DCDC1: variants seen among roughly 807,000 people sequenced by gnomAD.
DCDC1 encodes doublecortin domain-containing protein 1.
A neutral mutation model predicts 178.3 loss-of-function variants in DCDC1; 200 were observed. The ratio of observed to expected loss-of-function variants is 1.12; its 90% CI spans 1.00 to 1.26. The LOEUF (loss-of-function observed/expected upper bound fraction) is 1.26. DCDC1 is among the 50% of genes most tolerant of loss of function. DCDC1 has a pLI of 0.00. For missense variants in DCDC1, 1,983 were observed against 1,749.2 expected (o/e 1.13, Z -2.38); for synonymous variants, 690 against 604.8 (o/e 1.14, Z -2.07).
Position 30,864,930 on chromosome 11 carries a change from A to G in DCDC1, c.*443T>C, listed in dbSNP as rs1462670258. On this transcript the variant is annotated 3_prime_UTR_variant, in exon 39 of 39. Coordinates refer to ENST00000684477, the MANE Select transcript of DCDC1 (RefSeq NM_001387274.1). ...CATTCTTCAAAATAGGCCCATTGAAAAAACTGAGTTATTTTGAAGGATAAA... is the reference window on the plus strand; with the variant it reads ...CATTCTTCAAAATAGGCCCATTGAAGAAACTGAGTTATTTTGAAGGATAAA... The G allele has an allele frequency of 1.3e-5, 2 of 152,202 alleles. No individual in the cohort carries two copies. Among genetic ancestry groups the G allele is most frequent in the Non-Finnish European group, 2.9e-5 (2 of 68,036 alleles). 9.4% of individuals were successfully genotyped at this position (152,202 alleles called of 1,614,324 possible).
At chr11:31,213,473 G>A (rs990245881) in intron 9 of DCDC1, among the ~76,000 whole-genome samples, 1 of 151,942 alleles carries the variant, frequency 6.6e-6, no homozygotes. Context: ...TGTAATCCCA[G>A]CACTTTGGGA....
chr11:31,073,998 G>A (rs988551560), intron 18 of DCDC1, among the ~76,000 whole-genome samples: 3 of 152,196 alleles, frequency 2.0e-5, no homozygotes, highest in African/African-American at 7.2e-5. Context: ...TCAGGGTCCA[G>A]TAAGGAGATA....
At position 31,091,529 on chromosome 11, in the gene DCDC1, G is replaced by C. The variant is rs768480674; in HGVS notation, c.2119-18C>G. 1 of 727,230 alleles carries C rather than the reference G, an allele frequency of 1.4e-6. No individual in the cohort carries two copies. The highest frequency in any genetic ancestry group is 1.7e-5 in the African/African-American group (1 of 58,212). 45.0% of individuals were successfully genotyped at this position (727,230 alleles called of 1,614,324 possible). On this transcript the variant is annotated intron_variant, in intron 16 of 38. Transcript: ENST00000684477. ...ATTCCAGTCTTCCAATGAATAGAGA[G>C]GGGGAGAAAGGTCTAAATAAGTTAA...
intron 20 of DCDC1, among the ~76,000 whole-genome samples, chr11:31,050,134 C>T (rs1425661390): frequency 6.6e-6 from 1 of 152,162 alleles, no homozygotes; most frequent in Non-Finnish European, 1.5e-5. Context: ...TCGCCCTCAT[C>T]TGCAAACGGA....
chr11:30,895,016 T>C (rs1944090820), intron 34 of DCDC1, among the ~76,000 whole-genome samples: 1 of 152,220 alleles, frequency 6.6e-6, no homozygotes. Context: ...ATTTATGTGT[T>C]CTTACCACTA....
At chr11:31,105,122 ATACATTT>A (rs1958765891) in intron 13 of DCDC1, among the ~76,000 whole-genome samples, 1 of 152,076 alleles carries the variant, frequency 6.6e-6, no homozygotes, top group African/African-American at 2.4e-5. Context: ...TTTTAGACAT[ATACATTT>A]TAAACATTCC....
At chr11:31,183,693 TA>T (rs1969124584) in intron 9 of DCDC1, among the ~76,000 whole-genome samples, 1 of 152,000 alleles carries the variant, frequency 6.6e-6, no homozygotes, top group South Asian at 2.1e-4. Context: ...ACAAAGAGAA[TA>T]AAATACCTAG....
At position 31,290,627 on chromosome 11, in the gene DCDC1, A is replaced by G; in HGVS notation, c.960+20T>C. On this transcript the variant is annotated intron_variant, in intron 7 of 38. Coordinates refer to ENST00000684477, the MANE Select transcript of DCDC1 (RefSeq NM_001387274.1). ...AACTTTGAAATTAAATTCATAGTTC[A>G]ATATTTAATTAAAAATTACCTTTTT... The G allele has an allele frequency of 9.5e-6, 15 of 1,586,920 alleles. No homozygotes were observed. Among genetic ancestry groups the G allele is most frequent in the Non-Finnish European group, 1.3e-5 (15 of 1,169,174 alleles).
At chr11:31,103,554 G>A (rs546038382) in intron 14 of DCDC1, 90 bp downstream of exon 14, 1 of 600,934 alleles carries the variant, frequency 1.7e-6, no homozygotes, top group South Asian at 2.2e-5. Flanking sequence ...GCATCTTTTA[G>A]TGTTTCGAAT....
At chr11:31,250,443 T>TATATATATATATATATATATAC (rs1476494499) in intron 8 of DCDC1, among the ~76,000 whole-genome samples, 1 of 136,544 alleles carries the variant, frequency 7.3e-6, no homozygotes, top group Non-Finnish European at 1.6e-5. Context: ...TATATATATA[T>TATATATATATATATATATATAC]ATCCCTGCCT....
In DCDC1 at chr11:31,307,626, C is replaced by G. The variant is rs754690312; in HGVS notation, c.434+13G>C. 3 of 1,612,928 alleles carry G rather than the reference C, an allele frequency of 1.9e-6. No homozygotes were observed. In the Admixed American group the frequency reaches 5.0e-5, roughly 27 times the overall value. On this transcript the variant is annotated intron_variant, in intron 4 of 38. Coordinates refer to ENST00000684477, the MANE Select transcript of DCDC1 (RefSeq NM_001387274.1). The stretch of plus-strand genomic sequence containing the variant: ...ACAATAGGTTAAAAAGAACAGAGAA[C>G]AGCTTTGATTACCTCAGTTGACCCA...
intron 3 of DCDC1, among the ~76,000 whole-genome samples, chr11:31,315,254 C>A (rs1565599440): frequency 6.6e-6 from 1 of 150,750 alleles, no homozygotes; most frequent in Non-Finnish European, 1.5e-5. Context: ...CCTGTAATAT[C>A]CCTCAGCTAT....
Position 31,322,912 on chromosome 11 carries a change from G to A in DCDC1, c.164+5205C>T, listed in dbSNP as rs572598244. On this transcript the variant is annotated intron_variant, in intron 3 of 38. Coordinates refer to ENST00000684477, the MANE Select transcript of DCDC1 (RefSeq NM_001387274.1). ...TCAGCTTTCCACTACTGCATTAAAT[G>A]TAATGGACATGTAGTATAATGTAAC... Among the ~76,000 whole-genome samples the A allele has an allele frequency of 5.3e-5, 8 of 152,290 alleles. 1 individual carries two copies. In the East Asian group the frequency reaches 1.2e-3, roughly 22 times the overall value.
chr11:31,220,921 A>G (rs1009550558), intron 9 of DCDC1, among the ~76,000 whole-genome samples: 2 of 152,172 alleles, frequency 1.3e-5, no homozygotes, highest in Non-Finnish European at 2.9e-5. Context: ...AAAGAGAAAG[A>G]CAGATCTCTG....
intron 18 of DCDC1, among the ~76,000 whole-genome samples, chr11:31,066,521 G>A (rs953987563): frequency 3.9e-5 from 6 of 152,188 alleles, no homozygotes; most frequent in Admixed American, 1.3e-4. Flanking sequence ...GTAGAGAAAC[G>A]GCACTAAGGT....
intron 7 of DCDC1, among the ~76,000 whole-genome samples, chr11:31,271,604 A>G (rs1273941860): frequency 6.6e-6 from 1 of 152,176 alleles, no homozygotes; most frequent in East Asian, 1.9e-4. Flanking sequence ...ATGATTACCA[A>G]TTACTACTCT....
chr11:31,315,157 T>A (rs937267184), intron 3 of DCDC1, among the ~76,000 whole-genome samples: 1 of 152,266 alleles, frequency 6.6e-6, no homozygotes, highest in African/African-American at 2.4e-5. Flanking sequence ...TGACTTTTTA[T>A]AGCAATTTGA....
chr11:31,083,835 T>C (rs1957330265), intron 17 of DCDC1, among the ~76,000 whole-genome samples: 1 of 152,230 alleles, frequency 6.6e-6, no homozygotes, highest in African/African-American at 2.4e-5. Context: ...GTTATGTTAG[T>C]TTTTTAGTTG....
chr11:30,916,229 T>C (rs190278324), intron 26 of DCDC1, among the ~76,000 whole-genome samples: 50 of 152,332 alleles, frequency 3.3e-4, no homozygotes, highest in Admixed American at 3.0e-3. Flanking sequence ...AATGACTGTC[T>C]TAAGGACCTT....
Sources: gnomAD v4.1 joint callset for allele counts (sites outside exome capture counted in the v4.1 genomes callset) on GRCh38, gnomAD v4.1.1 for gene constraint, MANE v1.5 for transcripts, NCBI Gene and HGNC (gene_info 2026-07-23, HGNC 2026-07-21) for gene names.